Variants in PARN observed in about 807,000 individuals in gnomAD.
The protein encoded by PARN is poly(A)-specific ribonuclease, also known as poly(A)-specific ribonuclease PARN.
Under a neutral mutation model 102.8 loss-of-function variants are expected in PARN, and 71 were observed. The observed-to-expected ratio is 0.69, with a 90% CI of 0.57 to 0.84. The LOEUF (loss-of-function observed/expected upper bound fraction) is 0.84, where lower values mean the gene tolerates loss of function less well. Ranked by LOEUF, PARN falls within the 40% of genes least tolerant of loss-of-function variation. The pLI is 0.00. For missense variants in PARN, 782 were observed against 760.9 expected, an observed-to-expected ratio of 1.03 and a Z score of -0.33; for synonymous variants, 261 against 252.9, an observed-to-expected ratio of 1.03 and a Z score of -0.30.
intron 21 of PARN, among the ~76,000 whole-genome samples, chr16:14,532,639 A>T (rs1966406434): frequency 6.6e-6 from 1 of 151,744 alleles, no homozygotes; most frequent in Non-Finnish European, 1.5e-5. Context: ...TACTCCACAA[A>T]ACCGCCATTG....
At chr16:14,517,869 T>G (rs1035787935) in intron 21 of PARN, among the ~76,000 whole-genome samples, 2 of 151,826 alleles carry the variant, frequency 1.3e-5, no homozygotes, top group African/African-American at 4.8e-5. Flanking sequence ...TTCATAGTGA[T>G]GGGGTTGGCC....
intron 18 of PARN, among the ~76,000 whole-genome samples, chr16:14,578,319 ACT>A (rs34143985): frequency 0.1 from 11,646 of 114,344 alleles, 655 homozygotes; most frequent in East Asian, 0.2. Flanking sequence ...ACAGAGTGAG[ACT>A]CTGTCTCACC....
At chr16:14,589,457 C>A (rs1359795085) in intron 13 of PARN, among the ~76,000 whole-genome samples, 2 of 151,258 alleles carry the variant, frequency 1.3e-5, no homozygotes, top group Non-Finnish European at 2.9e-5. Flanking sequence ...CCCAGCTACT[C>A]GAGAGGCTGA....
At chr16:14,487,710 G>T (rs117520861) in intron 21 of PARN, among the ~76,000 whole-genome samples, 1 of 152,230 alleles carries the variant, frequency 6.6e-6, no homozygotes. Flanking sequence ...AACAGTGGTT[G>T]TGAGAGCCTG....
intron 5 of PARN, 61 bp downstream of exon 5, chr16:14,627,045 C>A: frequency 1.0e-6 from 1 of 960,236 alleles, no homozygotes; most frequent in South Asian, 1.4e-5. Flanking sequence ...ATTCTGATTT[C>A]ACATTTCCAT....
At chr16:14,625,896 T>A (rs1972616461) in intron 5 of PARN, among the ~76,000 whole-genome samples, 1 of 152,220 alleles carries the variant, frequency 6.6e-6, no homozygotes, top group Non-Finnish European at 1.5e-5. Flanking sequence ...GATTAAGACT[T>A]ATCTTTAATC....
At chr16:14,485,168 C>T (rs1213801979) in intron 21 of PARN, among the ~76,000 whole-genome samples, 2 of 152,216 alleles carry the variant, frequency 1.3e-5, no homozygotes, top group East Asian at 1.9e-4. Context: ...AGGAGATAAG[C>T]GGTGAAAGCA....
At chr16:14,500,318 A>G (rs952032256) in intron 21 of PARN, among the ~76,000 whole-genome samples, 3 of 152,192 alleles carry the variant, frequency 2.0e-5, no homozygotes, top group African/African-American at 4.8e-5. Context: ...TCAGCCTCCC[A>G]AAGTGCTGGG....
chr16:14,593,479 C>G (rs922064443), intron 12 of PARN, 101 bp from the exon 13 acceptor site: 3 of 157,178 alleles, frequency 1.9e-5, no homozygotes, highest in Admixed American at 1.9e-4. Context: ...GTACTAAACT[C>G]GCTTTCCAGA....
chr16:14,573,011 C>T (rs1968902447), intron 18 of PARN, among the ~76,000 whole-genome samples: 1 of 151,912 alleles, frequency 6.6e-6, no homozygotes, highest in African/African-American at 2.4e-5. Flanking sequence ...GCCTCAGCCT[C>T]CTGAGTAGCT....
chr16:14,601,794 G>A (rs1299273852), intron 11 of PARN: 2 of 151,482 alleles, frequency 1.3e-5, no homozygotes, highest in Non-Finnish European at 2.9e-5. Context: ...GCAGTGGCAT[G>A]CACCTGTAAT....
rs1054366736 is a variant in PARN at position 14,466,074 on chromosome 16, T to C, written c.1670+16564A>G. ...GCTTAGTACCTGGGTGACGAAATAA[T>C]CTGTACAACAAACTTCTGTGATACA... On this transcript the variant is annotated intron_variant, in intron 22 of 23. Transcript: ENST00000437198. 3.3e-5 allele frequency among the ~76,000 whole-genome samples: 5 copies of C among 152,178 alleles called. No individual in the cohort carries two copies. The East Asian group carries it at 9.6e-4, about 29-fold the overall frequency.
At chr16:14,516,663 T>C (rs867683190) in intron 21 of PARN, among the ~76,000 whole-genome samples, 3 of 152,232 alleles carry the variant, frequency 2.0e-5, no homozygotes, top group Admixed American at 6.5e-5. Context: ...CAAAGGCTTC[T>C]GACAAACTAA....
At chr16:14,543,853 T>C (rs1596625279) in intron 21 of PARN, among the ~76,000 whole-genome samples, 1 of 152,314 alleles carries the variant, frequency 6.6e-6, no homozygotes, top group East Asian at 1.9e-4. Context: ...GGACATTAAA[T>C]TGGACTAAAT....
At chr16:14,554,676 T>G (rs1265029657) in intron 19 of PARN, among the ~76,000 whole-genome samples, 1 of 151,674 alleles carries the variant, frequency 6.6e-6, no homozygotes, top group African/African-American at 2.4e-5. Flanking sequence ...ATTCCTGGCC[T>G]CAAGTGATCC....
Position 14,585,682 on chromosome 16 carries a change from T to C in PARN, c.962+636A>G, listed in dbSNP as rs575425540. ...TTGACTGACTCTTGAACACTCTCAA[T>C]TGGACACTTCAATAGTTACAAGGTA... On this transcript the variant is annotated intron_variant, in intron 14 of 23. Coordinates refer to ENST00000437198, the MANE Select transcript of PARN (RefSeq NM_002582.4). 1.1e-3 allele frequency among the ~76,000 whole-genome samples: 161 copies of C among 152,304 alleles called. 3 individuals are homozygous for C. In the South Asian group the frequency reaches 0.019, roughly 18 times the overall value.
At chr16:14,573,401 A>C (rs1277290134) in intron 18 of PARN, among the ~76,000 whole-genome samples, 8 of 152,158 alleles carry the variant, frequency 5.3e-5, no homozygotes, top group Non-Finnish European at 1.2e-4. Flanking sequence ...TGTATAACAT[A>C]TCTCTTGAAT....
rs56993468 is a variant in PARN at position 14,471,530 on chromosome 16, G to A, written c.1670+11108C>T. Among the ~76,000 whole-genome samples, 589 of 151,936 alleles carry A rather than the reference G, an allele frequency of 3.9e-3. 4 individuals carry two copies. The highest frequency in any genetic ancestry group is 0.013 in the Admixed American group (200 of 15,264). On this transcript the variant is annotated intron_variant, in intron 22 of 23. Coordinates refer to ENST00000437198, the MANE Select transcript of PARN (RefSeq NM_002582.4). Reference sequence around the variant, plus strand: ...AATCCCTTTAAAATTTTTTTAAATTGCGGTAAAGTACACATAAAATTTAGT... The same window carrying A: ...AATCCCTTTAAAATTTTTTTAAATTACGGTAAAGTACACATAAAATTTAGT...
intron 23 of PARN, among the ~76,000 whole-genome samples, chr16:14,439,888 G>A (rs1235148756): frequency 3.3e-5 from 5 of 152,078 alleles, no homozygotes; most frequent in Non-Finnish European, 5.9e-5. Flanking sequence ...GGTGGCAGGC[G>A]CCTGTAATCC....
Sources: allele counts gnomAD v4.1 joint callset (sites outside exome capture counted in the v4.1 genomes callset), GRCh38; gene constraint gnomAD v4.1.1; transcripts MANE v1.5; gene names NCBI Gene and HGNC (gene_info 2026-07-23, HGNC 2026-07-21).